Variants in SPTBN5 observed in about 807,000 individuals in gnomAD.
The protein encoded by SPTBN5 is spectrin beta chain, non-erythrocytic 5.
A neutral mutation model predicts 477.6 loss-of-function variants in SPTBN5; 513 were observed. The observed-to-expected ratio is 1.07, with a 90% CI of 1.00 to 1.16. The LOEUF (loss-of-function observed/expected upper bound fraction) is 1.16, where lower values mean the gene tolerates loss of function less well. SPTBN5 is among the 50% of genes most tolerant of loss of function. SPTBN5 has a pLI of 0.00. For synonymous variants in SPTBN5, 2,169 were observed against 2,011.7 expected (o/e 1.08, Z -2.09); for missense variants, 5,062 against 4,731.8 (o/e 1.07, Z -2.05).
At chr15:41,862,747 C>T (rs1275913832) in intron 42 of SPTBN5, 43 bp downstream of exon 42, 7 of 1,546,752 alleles carry the variant, frequency 4.5e-6, no homozygotes, top group Non-Finnish European at 6.1e-6. Context: ...CAGGGTCCTA[C>T]TCAGGAGATG....
chr15:41,882,764 G>A (rs769257124), intron 9 of SPTBN5, 26 bp from the exon 10 acceptor site: 2 of 1,599,406 alleles, frequency 1.3e-6, no homozygotes, highest in Admixed American at 1.7e-5. Context: ...GGCCACCGAA[G>A]GACATGGGGA....
intron 14 of SPTBN5, 67 bp from the exon 15 acceptor site, chr15:41,879,931 T>G: frequency 6.3e-7 from 1 of 1,590,104 alleles, no homozygotes. Context: ...CTCTAGCCTA[T>G]GACGGACCTG....
rs2066972686 is a variant in SPTBN5 at position 41,882,008 on chromosome 15, GC to G, written c.2384del (p.Arg795ProfsTer26). ...GCCGCCGCAGCTCGGCCGCGAAGGC[GC>G]GCAGGACGCGCTCCAGCCGCACGTG... ...RRHVRLERVL[R>X]AFAAELRRLE... On this transcript the variant is annotated frameshift_variant, in exon 12 of 68. Transcript: ENST00000320955. LOFTEE classifies it high-confidence loss of function. 6.5e-7 allele frequency: 1 copy of G among 1,536,904 alleles called. No homozygotes were observed. Among genetic ancestry groups the G allele is most frequent in the Non-Finnish European group, 8.7e-7 (1 of 1,151,142 alleles).
At position 41,856,558 on chromosome 15, in the gene SPTBN5, C is replaced by T. The variant is rs145776034; in HGVS notation, c.8849G>A (p.Arg2950Gln). The change falls in exon 53 of 68, where the codon CGG (arginine) becomes CAG (glutamine). Residue 2950 changes from arginine to glutamine, a missense_variant. Transcript: ENST00000320955. ...CTTGTACCCAGTGCCCAGCACCACC[C>T]GGGTCAGAGCCTCGTGGCTGCTCAT... is the stretch of plus-strand genomic sequence containing the variant. ...SEMSSHEALT[R>Q]VVLGTGYKLV... 13 of 1,599,984 alleles carry T rather than the reference C, an allele frequency of 8.1e-6. No homozygotes were observed. Among genetic ancestry groups the T allele is most frequent in the African/African-American group, 1.3e-5 (1 of 74,790 alleles).
chr15:41,860,777 C>A lies in SPTBN5; in HGVS notation c.7816-19G>T, dbSNP rs1345073555. Reference sequence around the variant, plus strand: ...AGGGGTCCTGGTGGGAGTGGGGAACCCAATACTGTCCATGAGCCTCCCCCT... The same window carrying A: ...AGGGGTCCTGGTGGGAGTGGGGAACACAATACTGTCCATGAGCCTCCCCCT... On this transcript the variant is annotated intron_variant, in intron 46 of 67. Coordinates refer to ENST00000320955, the MANE Select transcript of SPTBN5 (RefSeq NM_016642.4). 1.3e-6 allele frequency: 2 copies of A among 1,531,064 alleles called. No homozygotes were observed. Among genetic ancestry groups the A allele is most frequent in the Admixed American group, 4.1e-5 (2 of 49,324 alleles). The allele number at this position is 1,531,064 out of a possible 1,614,324, so 94.8% of individuals were successfully genotyped here.
In SPTBN5 at chr15:41,872,417, C is replaced by T. The variant is rs751154412; in HGVS notation, c.5050G>A (p.Glu1684Lys). 1 of 1,589,292 alleles carries T rather than the reference C, an allele frequency of 6.3e-7. No homozygotes were observed. Among genetic ancestry groups the T allele is most frequent in the Non-Finnish European group, 8.6e-7 (1 of 1,168,530 alleles). Residue 1684 changes from glutamate to lysine, a missense_variant, in exon 27 of 68, where the codon GAG becomes AAG. Physicochemically the swap from Glu to Lys is moderately conservative, Grantham distance 56. Coordinates refer to ENST00000320955, the MANE Select transcript of SPTBN5 (RefSeq NM_016642.4). ...ELAIYWSSME[E>K]LDQTAQTLTG... ...AGGGTTTGGGCCGTCTGGTCAAGCTCCTCCATGGAGCTCCAGTAAATGGCT... is the reference window on the plus strand; with the variant it reads ...AGGGTTTGGGCCGTCTGGTCAAGCTTCTCCATGGAGCTCCAGTAAATGGCT...
In SPTBN5 at chr15:41,874,283, G is replaced by A. The variant is rs768184388; in HGVS notation, c.4689+9C>T. ...GTCGGTAATCCTGTAGGAAGAAGAG[G>A]GCTATTACCTTGTGCTTGCGGTGAA... On this transcript the variant is annotated intron_variant, in intron 24 of 67. Transcript: ENST00000320955. 1.4e-5 allele frequency: 22 copies of A among 1,605,522 alleles called. 1 individual carries two copies. The highest frequency in any genetic ancestry group is 1.7e-5 in the Non-Finnish European group (20 of 1,175,718).
In SPTBN5 at chr15:41,856,842, T is replaced by G. The variant is rs1234059028; in HGVS notation, c.8808+11A>C. On this transcript the variant is annotated intron_variant, in intron 52 of 67. Transcript: ENST00000320955. Reference sequence around the variant, plus strand: ...ATGTGCGAGGCCAGCCCTCCCCGGGTGGGCCCACACCTGGTGCTGCTCCTG... The same window carrying G: ...ATGTGCGAGGCCAGCCCTCCCCGGGGGGGCCCACACCTGGTGCTGCTCCTG... The G allele has an allele frequency of 6.5e-7, 1 of 1,536,564 alleles. No homozygotes were observed. The highest frequency in any genetic ancestry group is 8.8e-7 in the Non-Finnish European group (1 of 1,136,548).
Position 41,852,778 on chromosome 15 carries a change from G to C in SPTBN5, c.10348-43C>G, listed in dbSNP as rs367708703. 3.6e-5 allele frequency: 58 copies of C among 1,608,166 alleles called. 1 individual carries two copies. Among genetic ancestry groups the C allele is most frequent in the Middle Eastern group, 1.6e-4 (1 of 6,068 alleles). ...CAGGTGACGCCCAGCTTGGGGGGGGGGGCCCAGAGCCTGGTAGCCAGCTAA... is the reference window on the plus strand; with the variant it reads ...CAGGTGACGCCCAGCTTGGGGGGGGCGGCCCAGAGCCTGGTAGCCAGCTAA... On this transcript the variant is annotated intron_variant, in intron 60 of 67. Coordinates refer to ENST00000320955, the MANE Select transcript of SPTBN5 (RefSeq NM_016642.4).
chr15:41,871,519 T>C lies in SPTBN5; in HGVS notation c.5303A>G (p.His1768Arg). Residue 1768 changes from histidine (H) to arginine (R), a missense_variant and splice_region_variant, in exon 29 of 68, where the codon CAC becomes CGC. Transcript: ENST00000320955. ...SLGEDPEHAL[H>R]LCTKFAKFQH... Reference sequence around the variant, plus strand: ...AAACTTTGCAAACTTGGTGCAGAGGTGCTGAGAAGAGGGGAGTGGGTGACA... The same window carrying C: ...AAACTTTGCAAACTTGGTGCAGAGGCGCTGAGAAGAGGGGAGTGGGTGACA... 6.8e-7 allele frequency: 1 copy of C among 1,481,026 alleles called. No homozygotes were observed. Among genetic ancestry groups the C allele is most frequent in the Non-Finnish European group, 9.0e-7 (1 of 1,110,856 alleles). The allele number at this position is 1,481,026 out of a possible 1,614,324, so 91.7% of individuals were successfully genotyped here.
At position 41,862,266 on chromosome 15, in the gene SPTBN5, T is replaced by C. The variant is rs1172704471; in HGVS notation, c.7412A>G (p.Gln2471Arg). Residue 2471 changes from glutamine to arginine, a missense_variant, in exon 44 of 68, where the codon CAA (glutamine) becomes CGA (arginine). Physicochemically the swap from Gln to Arg is conservative, Grantham distance 43 (BLOSUM62 1). Transcript: ENST00000320955. ...CAGCATTGCCTGGAGTTTCTGAGCT[T>C]GGTGCAAGGCATCCAGCGCCTCCCT... ...KRREALDALH[Q>R]AQKLQAMLQE... is the part of the protein sequence containing the mutation. The C allele has an allele frequency of 6.2e-7, 1 of 1,608,812 alleles. No individual in the cohort carries two copies. The highest frequency in any genetic ancestry group is 1.7e-5 in the Admixed American group (1 of 59,690).
At position 41,851,206 on chromosome 15, in the gene SPTBN5, G is replaced by T. The variant is rs547021512; in HGVS notation, c.10744-56C>A. 8 of 1,582,146 alleles carry T rather than the reference G, an allele frequency of 5.1e-6. No homozygotes were observed. The East Asian group carries it at 1.6e-4, about 32-fold the overall frequency. On this transcript the variant is annotated intron_variant, in intron 64 of 67. Transcript: ENST00000320955. ...CGGCCATCTCAGCTTTTCCCTGTGG[G>T]GTCCCTCTGTCCTGGGGCCCCTCTG...
At chr15:41,872,026 G>A in intron 27 of SPTBN5, 109 bp from the exon 28 acceptor site, 1 of 1,360,130 alleles carries the variant, frequency 7.4e-7, no homozygotes, top group South Asian at 1.5e-5. Context: ...CATGGTCTCT[G>A]TCCAAGCCTG....
In SPTBN5 at chr15:41,854,157, C is replaced by T; in HGVS notation, c.9667G>A (p.Glu3223Lys). 4 of 1,598,022 alleles carry T rather than the reference C, an allele frequency of 2.5e-6. No homozygotes were observed. Among genetic ancestry groups the T allele is most frequent in the Non-Finnish European group, 2.6e-6 (3 of 1,172,778 alleles). The change falls in exon 57 of 68, where the codon GAG becomes AAG. Residue 3223 changes from glutamate to lysine, a missense_variant. Glu to Lys is a moderately conservative substitution (Grantham distance 56). Transcript: ENST00000320955. ...EVHSFQQAAAELQGRMQEKTA... is the reference protein window; with the variant it reads ...EVHSFQQAAAKLQGRMQEKTA... The stretch of plus-strand genomic sequence containing the variant: ...TTCTCCTGCATCCTTCCCTGGAGCT[C>T]AGCTGCTGCCTGCTGAAAGCTGTGG...
At chr15:41,853,530 AC>A in intron 58 of SPTBN5, 51 bp downstream of exon 58, 1 of 1,539,144 alleles carries the variant, frequency 6.5e-7, no homozygotes, top group Non-Finnish European at 8.8e-7. Context: ...GAGCCAGGAT[AC>A]CCCCACCCCA....
Position 41,874,284 on chromosome 15 carries a change from G to A in SPTBN5, c.4689+8C>T. The A allele has an allele frequency of 6.2e-7, 1 of 1,606,234 alleles. No homozygotes were observed. The highest frequency in any genetic ancestry group is 1.1e-5 in the South Asian group (1 of 90,000). ...TCGGTAATCCTGTAGGAAGAAGAGG[G>A]CTATTACCTTGTGCTTGCGGTGAAG... On this transcript the variant is annotated splice_region_variant and intron_variant, in intron 24 of 67. Coordinates refer to ENST00000320955, the MANE Select transcript of SPTBN5 (RefSeq NM_016642.4).
intron 49 of SPTBN5, 118 bp downstream of exon 49, chr15:41,858,484 G>T (rs1285598794): frequency 3.9e-6 from 5 of 1,286,152 alleles, no homozygotes; most frequent in Admixed American, 5.5e-5. Context: ...GTGCCTGCAT[G>T]CAGAAAGTAC....
Position 41,886,029 on chromosome 15 carries a change from G to A in SPTBN5, c.1226C>T (p.Ala409Val). ...CWAGLEWAEAARSQALQQRLL... is the reference protein window; with the variant it reads ...CWAGLEWAEAVRSQALQQRLL... The stretch of plus-strand genomic sequence containing the variant: ...CCTCTGCTGCAGGGCCTGGCTCCTT[G>A]CAGCCTCTGCCCACTCCAGCCCTGC... Residue 409 changes from alanine (A) to valine (V), a missense_variant, in exon 7 of 68, where the codon GCA becomes GTA. Ala to Val is a moderately conservative substitution (Grantham distance 64, BLOSUM62 0). Transcript: ENST00000320955. 6.4e-7 allele frequency: 1 copy of A among 1,560,958 alleles called. No homozygotes were observed. The highest frequency in any genetic ancestry group is 8.7e-7 in the Non-Finnish European group (1 of 1,152,820).
At chr15:41,891,283 A>G (rs955492240) in intron 3 of SPTBN5, among the ~76,000 whole-genome samples, 2 of 152,236 alleles carry the variant, frequency 1.3e-5, no homozygotes, top group African/African-American at 4.8e-5. Context: ...CTGAAGGGCA[A>G]CTGGCTTCAG....
Sources: allele counts gnomAD v4.1 joint callset (sites outside exome capture counted in the v4.1 genomes callset), GRCh38; gene constraint gnomAD v4.1.1; transcripts MANE v1.5; gene names NCBI Gene and HGNC (gene_info 2026-07-23, HGNC 2026-07-21).